Variants in DLGAP4 observed in about 807,000 individuals in gnomAD.
DLGAP4 encodes the protein disks large-associated protein 4.
Under a neutral mutation model 86.9 loss-of-function variants are expected in DLGAP4, and 18 were observed. That is an observed-to-expected ratio of 0.21 (90% CI 0.14 to 0.31). DLGAP4 has a LOEUF of 0.31. Ranked by LOEUF, DLGAP4 falls within the 10% of genes least tolerant of loss-of-function variation. The probability of loss-of-function intolerance (pLI) is 1.00; values close to 1 mark genes in which losing one functional copy is unlikely to be tolerated. For synonymous variants in DLGAP4, 548 were observed against 574.3 expected (o/e 0.95, Z 0.65); for missense variants, 1,085 against 1,362.6 (o/e 0.80, Z 3.21).
chr20:36,497,640 A>T, intron 8 of DLGAP4: 1 of 986,404 alleles, frequency 1.0e-6, no homozygotes, highest in East Asian at 1.1e-4. Context: ...GTCATTGAGA[A>T]GGGTGATGCC....
chr20:36,373,131 A>AT (rs1394070119), intron 2 of DLGAP4, among the ~76,000 whole-genome samples: 1 of 152,100 alleles, frequency 6.6e-6, no homozygotes, highest in East Asian at 1.9e-4. Context: ...CTCTATTTTG[A>AT]TTTTTGTTTC....
Position 36,446,863 on chromosome 20 carries a change from A to T in DLGAP4, c.1574A>T (p.Glu525Val). The T allele has an allele frequency of 6.2e-7, 1 of 1,613,282 alleles. No homozygotes were observed. Among genetic ancestry groups the T allele is most frequent in the Non-Finnish European group, 8.5e-7 (1 of 1,179,944 alleles). ...RAIQAGCSQE[E>V]DSVSLQSLSP... ...ATCCAGGCAGGCTGCTCGCAGGAGG[A>T]GGACAGTGTCTCCCTGCAGTCCCTC... The change falls in exon 7 of 13, where the codon GAG becomes GTG. Residue 525 changes from glutamate (E) to valine (V), a missense_variant. This residue lies in a region of DLGAP4 where 1,082 missense variants were observed against 1,344.1 expected (regional missense o/e 0.81). Coordinates refer to ENST00000339266, the MANE Select transcript of DLGAP4 (RefSeq NM_001365621.2).
intron 2 of DLGAP4, among the ~76,000 whole-genome samples, chr20:36,406,439 G>A (rs189837890): frequency 1.3e-5 from 2 of 151,324 alleles, no homozygotes; most frequent in African/African-American, 4.9e-5. Flanking sequence ...AGTCATGCTG[G>A]CTGAGTCACC....
intron 2 of DLGAP4, among the ~76,000 whole-genome samples, chr20:36,414,063 G>A (rs1267049349): frequency 6.6e-6 from 1 of 152,060 alleles, no homozygotes; most frequent in Non-Finnish European, 1.5e-5. Flanking sequence ...AGCTGGTCCC[G>A]TTTGCCCCTC....
chr20:36,386,256 G>C (rs910370750), intron 2 of DLGAP4, among the ~76,000 whole-genome samples: 1 of 152,062 alleles, frequency 6.6e-6, no homozygotes, highest in African/African-American at 2.4e-5. Flanking sequence ...GGTCATTCTG[G>C]GGCTCAAATC....
intron 7 of DLGAP4, among the ~76,000 whole-genome samples, chr20:36,477,619 C>T (rs956296991): frequency 1.3e-5 from 2 of 152,202 alleles, no homozygotes; most frequent in Non-Finnish European, 2.9e-5. Flanking sequence ...ATAATTCCTT[C>T]ATTAGCTACT....
chr20:36,435,202 T>C (rs112845020), intron 3 of DLGAP4, among the ~76,000 whole-genome samples: 1,678 of 152,246 alleles, frequency 0.011, 31 homozygotes, highest in African/African-American at 0.038. Context: ...GAGATATGTG[T>C]ACAGGATGAG....
At chr20:36,488,086 G>A (rs1453231926) in intron 7 of DLGAP4, among the ~76,000 whole-genome samples, 1 of 151,816 alleles carries the variant, frequency 6.6e-6, no homozygotes, top group Non-Finnish European at 1.5e-5. Flanking sequence ...TATAATCCCA[G>A]CTACTCAGGA....
rs138177546 is a variant in DLGAP4 at position 36,456,153 on chromosome 20, A to G, written c.1648+9216A>G. ...CACTTATCCCAACATGCACGTGCGC[A>G]CACACAGACATGCACACACATTTAC... is the stretch of plus-strand genomic sequence containing the variant. On this transcript the variant is annotated intron_variant, in intron 7 of 12. Coordinates refer to ENST00000339266, the MANE Select transcript of DLGAP4 (RefSeq NM_001365621.2). Among the ~76,000 whole-genome samples the G allele has an allele frequency of 5.1e-3, 778 of 152,330 alleles. 4 individuals carry two copies. The highest frequency in any genetic ancestry group is 7.1e-3 in the Non-Finnish European group (482 of 68,030).
intron 1 of DLGAP4, among the ~76,000 whole-genome samples, chr20:36,317,249 T>A (rs1020014607): frequency 5.4e-5 from 3 of 56,012 alleles, no homozygotes; most frequent in African/African-American, 3.3e-4. Flanking sequence ...CTTTCTTTCT[T>A]TCTTTCTTTC....
intron 2 of DLGAP4, among the ~76,000 whole-genome samples, chr20:36,373,431 G>A (rs994003889): frequency 6.6e-6 from 1 of 152,184 alleles, no homozygotes; most frequent in Non-Finnish European, 1.5e-5. Flanking sequence ...ACTAAGTCTT[G>A]GCCTTGATTT....
chr20:36,461,978 C>T, intron 7 of DLGAP4: 1 of 985,190 alleles, frequency 1.0e-6, no homozygotes, highest in Non-Finnish European at 1.2e-6. Context: ...GGGACTCCCC[C>T]TCAGAGCGCC....
chr20:36,522,177 G>T (rs2037420717), intron 10 of DLGAP4, among the ~76,000 whole-genome samples: 3 of 151,938 alleles, frequency 2.0e-5, no homozygotes, highest in Non-Finnish European at 4.4e-5. Flanking sequence ...TTTGAGACAG[G>T]GTCTTGCTCT....
chr20:36,422,770 C>T (rs1053831889), intron 2 of DLGAP4, among the ~76,000 whole-genome samples: 2 of 152,136 alleles, frequency 1.3e-5, no homozygotes, highest in Non-Finnish European at 2.9e-5. Flanking sequence ...CAGGGAGGTT[C>T]CCAGGGAGGC....
Position 36,432,479 on chromosome 20 carries a change from C to T in DLGAP4, c.762C>T (p.Leu254=), listed in dbSNP as rs762145382. The T allele has an allele frequency of 2.5e-6, 4 of 1,613,620 alleles. No homozygotes were observed. The highest frequency in any genetic ancestry group is 3.4e-6 in the Non-Finnish European group (4 of 1,180,010). Residue 254 remains leucine, a synonymous_variant, in exon 3 of 13, where the codon CTC becomes CTT. Transcript: ENST00000339266. The surrounding 1 kb of genome is among the most constrained non-coding windows in gnomAD (Gnocchi z 6.5). ...HAYNTISGHM[L]KTTKNNTTEL... ...ACAACACCATCAGTGGGCACATGCT[C>T]AAAACCACCAAGAACAACACTACTG...
intron 2 of DLGAP4, among the ~76,000 whole-genome samples, chr20:36,391,795 G>A (rs960869425): frequency 4.6e-5 from 7 of 152,200 alleles, no homozygotes; most frequent in Non-Finnish European, 1.0e-4. Context: ...GAGCTTCTGG[G>A]TGTTAATGCC....
chr20:36,332,641 G>A (rs2065281555), intron 1 of DLGAP4, among the ~76,000 whole-genome samples: 1 of 152,014 alleles, frequency 6.6e-6, no homozygotes, highest in African/African-American at 2.4e-5. Flanking sequence ...CCGCCCGCCT[G>A]TGCCATCTTG....
intron 1 of DLGAP4, among the ~76,000 whole-genome samples, chr20:36,333,039 C>T (rs1383012623): frequency 6.6e-6 from 1 of 152,186 alleles, no homozygotes; most frequent in Non-Finnish European, 1.5e-5. Context: ...TCTTCTTTCT[C>T]TCTCTTTTTT....
At chr20:36,326,498 C>G (rs2065217050) in intron 1 of DLGAP4, among the ~76,000 whole-genome samples, 1 of 152,154 alleles carries the variant, frequency 6.6e-6, no homozygotes, top group Non-Finnish European at 1.5e-5. Flanking sequence ...ACTTCCATCT[C>G]TTCGATCTTG....
Sources: gnomAD v4.1 joint callset for allele counts (sites outside exome capture counted in the v4.1 genomes callset) on GRCh38, gnomAD v4.1.1 for gene constraint, gnomAD v4.1.1 regional missense constraint, Gnocchi (gnomAD v3.1) non-coding constraint, MANE v1.5 for transcripts, NCBI Gene and HGNC (gene_info 2026-07-23, HGNC 2026-07-21) for gene names.